The following IL1RAPL2 variants were observed in gnomAD, a reference collection of about 807,000 sequenced individuals.
The protein encoded by IL1RAPL2 is X-linked interleukin-1 receptor accessory protein-like 2.
IL1RAPL2 carries 3 observed loss-of-function variants against 44.1 expected under a neutral mutation model. The ratio of observed to expected loss-of-function variants is 0.07; its 90% CI spans 0.03 to 0.18. The LOEUF is 0.18. IL1RAPL2 is among the 10% of genes least tolerant of loss of function. The probability of loss-of-function intolerance (pLI) is 1.00; values close to 1 mark genes in which losing one functional copy is unlikely to be tolerated. For synonymous variants in IL1RAPL2, 181 were observed against 178.8 expected (o/e 1.01, Z -0.10); for missense variants, 391 against 496.4 (o/e 0.79, Z 2.02).
chrX:105,609,234 A>C (rs1232207498), intron 6 of IL1RAPL2, among the ~76,000 whole-genome samples: 1 of 111,969 alleles, frequency 8.9e-6, no homozygotes, highest in East Asian at 2.8e-4. Flanking sequence ...CAAGTTTTTA[A>C]GCAAGGAGAT....
intron 2 of IL1RAPL2, among the ~76,000 whole-genome samples, chrX:104,941,781 A>C (rs756375592): frequency 1.4e-4 from 16 of 111,804 alleles, no homozygotes; most frequent in African/African-American, 4.5e-4. Flanking sequence ...GCCCATGCCC[A>C]TGTCCTGAAT....
intron 6 of IL1RAPL2, among the ~76,000 whole-genome samples, chrX:105,613,323 G>A (rs896933040): frequency 1.8e-5 from 2 of 112,315 alleles, no homozygotes; most frequent in Non-Finnish European, 1.9e-5. Flanking sequence ...AATCAGCAGC[G>A]ATATCCAGTT....
At position 105,666,654 on chromosome X, in the gene IL1RAPL2, G is replaced by T. The variant is rs181225087; in HGVS notation, c.773-50713G>T. Among the ~76,000 whole-genome samples, 7 of 112,073 alleles carry T rather than the reference G, an allele frequency of 6.2e-5. No individual in the cohort carries two copies. The East Asian group carries it at 2.0e-3, about 32-fold the overall frequency. On this transcript the variant is annotated intron_variant, in intron 6 of 10. Transcript: ENST00000372582. ...ACAATCCATAGAAACAGGACTTGAA[G>T]CTAGACAACCAGTTAGACCAGAAAT... is the stretch of plus-strand genomic sequence containing the variant.
At chrX:105,124,194 C>T (rs1004570797) in intron 2 of IL1RAPL2, among the ~76,000 whole-genome samples, 3 of 111,029 alleles carry the variant, frequency 2.7e-5, no homozygotes, top group African/African-American at 9.8e-5. Context: ...GCCCATCTCG[C>T]CTTTCTGATG....
At chrX:105,608,233 T>C (rs971935669) in intron 6 of IL1RAPL2, among the ~76,000 whole-genome samples, 1 of 111,950 alleles carries the variant, frequency 8.9e-6, no homozygotes, top group Non-Finnish European at 1.9e-5. Context: ...TATCTTCCCA[T>C]GTAATTTAAT....
At chrX:104,691,755 C>T (rs1017695658) in intron 2 of IL1RAPL2, among the ~76,000 whole-genome samples, 7 of 111,697 alleles carry the variant, frequency 6.3e-5, no homozygotes, top group African/African-American at 2.3e-4. Flanking sequence ...CTGCTATGTT[C>T]TGAGACCCTG....
At chrX:105,647,166 G>C (rs1029870288) in intron 6 of IL1RAPL2, among the ~76,000 whole-genome samples, 2 of 112,171 alleles carry the variant, frequency 1.8e-5, no homozygotes, top group Admixed American at 9.4e-5. Context: ...TGAGTGCCTC[G>C]CTGGATCAGA....
At chrX:104,582,667 TTTTTCTTTC>T (rs1212178843) in intron 1 of IL1RAPL2, among the ~76,000 whole-genome samples, 1 of 85,525 alleles carries the variant, frequency 1.2e-5, no homozygotes, top group Non-Finnish European at 2.4e-5. Flanking sequence ...TTTTTTTTCT[TTTTTCTTTC>T]TCTTTCTTTC....
At chrX:105,067,833 A>G (rs1183007746) in intron 2 of IL1RAPL2, among the ~76,000 whole-genome samples, 1 of 110,360 alleles carries the variant, frequency 9.1e-6, no homozygotes, top group African/African-American at 3.4e-5. Flanking sequence ...ACGCATGCAC[A>G]TGAATACACA....
intron 5 of IL1RAPL2, among the ~76,000 whole-genome samples, chrX:105,414,991 TAGAA>T (rs1198181289): frequency 8.1e-5 from 9 of 111,771 alleles, no homozygotes; most frequent in East Asian, 5.6e-4. Flanking sequence ...GTAATAGTCA[TAGAA>T]AGAGAAGGAG....
At chrX:105,729,893 GA>G in intron 7 of IL1RAPL2, among the ~76,000 whole-genome samples, 1 of 71,291 alleles carries the variant, frequency 1.4e-5, no homozygotes, top group South Asian at 1.3e-3. Context: ...AGGAAGGAAG[GA>G]AGGAAGGAAG....
chrX:105,518,621 A>G (rs1034666130), intron 6 of IL1RAPL2, among the ~76,000 whole-genome samples: 1 of 111,697 alleles, frequency 9.0e-6, no homozygotes, highest in African/African-American at 3.2e-5. Flanking sequence ...AAAAGAAGAA[A>G]AGAGATTTAT....
intron 5 of IL1RAPL2, among the ~76,000 whole-genome samples, chrX:105,345,596 A>G (rs1289230011): frequency 9.0e-6 from 1 of 111,171 alleles, no homozygotes; most frequent in Non-Finnish European, 1.9e-5. Context: ...TAGCCTATGT[A>G]AAATGGACAC....
chrX:104,676,813 T>C (rs1730618586), intron 2 of IL1RAPL2, among the ~76,000 whole-genome samples: 1 of 111,528 alleles, frequency 9.0e-6, no homozygotes, highest in Non-Finnish European at 1.9e-5. Context: ...TTATTCTTTT[T>C]TCTCTAAACT....
intron 2 of IL1RAPL2, among the ~76,000 whole-genome samples, chrX:104,737,647 A>G (rs912623799): frequency 8.9e-6 from 1 of 111,892 alleles, no homozygotes; most frequent in African/African-American, 3.2e-5. Flanking sequence ...ATGCCTGGCA[A>G]GGTAAACATT....
intron 2 of IL1RAPL2, among the ~76,000 whole-genome samples, chrX:105,071,557 G>C (rs975372613): frequency 9.0e-6 from 1 of 111,097 alleles, no homozygotes; most frequent in Non-Finnish European, 1.9e-5. Flanking sequence ...ATCCCAAAGA[G>C]CCAAAACAAT....
At chrX:104,721,692 T>G (rs774891826) in intron 2 of IL1RAPL2, among the ~76,000 whole-genome samples, 1 of 110,330 alleles carries the variant, frequency 9.1e-6, no homozygotes, top group South Asian at 3.9e-4. Flanking sequence ...AAATAAAAAT[T>G]TAAAAAAATG....
intron 1 of IL1RAPL2, among the ~76,000 whole-genome samples, chrX:104,625,146 C>T (rs751330336): frequency 5.4e-5 from 6 of 111,673 alleles, no homozygotes; most frequent in African/African-American, 9.7e-5. Flanking sequence ...TCCCAACTGA[C>T]GTGCAACATC....
chrX:105,391,444 G>A, intron 5 of IL1RAPL2, among the ~76,000 whole-genome samples: 1 of 101,765 alleles, frequency 9.8e-6, no homozygotes. Flanking sequence ...ACCACAATGA[G>A]ATACCATCTC....
Sources: gnomAD v4.1 joint callset for allele counts (sites outside exome capture counted in the v4.1 genomes callset) on GRCh38, gnomAD v4.1.1 for gene constraint, MANE v1.5 for transcripts, NCBI Gene and HGNC (gene_info 2026-07-23, HGNC 2026-07-21) for gene names.